SLC13A4: variants seen among roughly 807,000 people sequenced by gnomAD.
SLC13A4 encodes solute carrier family 13 member 4, also known as Na(+)/sulfate cotransporter SUT-1.
A neutral mutation model predicts 72.7 loss-of-function variants in SLC13A4; 28 were observed. The observed-to-expected ratio is 0.39, with a 90% CI of 0.29 to 0.53. The LOEUF is 0.53. Among genes scored for constraint, SLC13A4 ranks in the 20% least tolerant of loss-of-function variants. The pLI is 0.78. For missense variants in SLC13A4, 653 were observed against 788.0 expected (o/e 0.83, Z 2.05); for synonymous variants, 312 against 325.5 (o/e 0.96, Z 0.45).
At chr7:135,721,781 C>T (rs981490362) in intron 1 of SLC13A4, among the ~76,000 whole-genome samples, 11 of 152,162 alleles carry the variant, frequency 7.2e-5, no homozygotes, top group African/African-American at 1.9e-4. Flanking sequence ...CCAGGCAGCT[C>T]GGAGGGTTCT....
rs190579368 is a variant in SLC13A4, at chr7:135,690,991, C to T, written c.1446+210G>A. ...ACTAGCCTGGCCAACATGGTGAAAC[C>T]GCGTCTCTACTAAAAATACAAAAAC... is the stretch of plus-strand genomic sequence containing the variant. On this transcript the variant is annotated intron_variant, in intron 13 of 15. Transcript: ENST00000682651. Among the ~76,000 whole-genome samples the T allele has an allele frequency of 2.3e-4, 35 of 152,118 alleles. No individual in the cohort carries two copies. The East Asian group carries it at 5.2e-3, about 23-fold the overall frequency.
chr7:135,702,797 A>G lies in SLC13A4; in HGVS notation c.633+48T>C, dbSNP rs1028419025. The stretch of plus-strand genomic sequence containing the variant: ...CTTGGGTTTCCATGAAGAAGTGCTG[A>G]GGGATTTTCAAGTGATTCCAAAGCA... On this transcript the variant is annotated intron_variant, in intron 6 of 15. Coordinates refer to ENST00000682651, the MANE Select transcript of SLC13A4 (RefSeq NM_001318192.2). The G allele has an allele frequency of 4.0e-6, 6 of 1,515,494 alleles. No individual in the cohort carries two copies. In the East Asian group the frequency reaches 1.1e-4, roughly 28 times the overall value. 93.9% of individuals were successfully genotyped at this position (1,515,494 alleles called of 1,614,324 possible). A position where few individuals can be genotyped will look rare whatever the true frequency, so the allele number is the denominator to read the frequency against.
intron 5 of SLC13A4, chr7:135,704,893 TACA>T (rs1174136239): frequency 1.3e-5 from 2 of 152,406 alleles, no homozygotes; most frequent in African/African-American, 4.8e-5. Flanking sequence ...TCTCCTTTTT[TACA>T]ACAAGGGCAA....
intron 14 of SLC13A4, 95 bp downstream of exon 14, chr7:135,685,427 G>C (rs897428439): frequency 1.4e-5 from 15 of 1,061,404 alleles, no homozygotes; most frequent in Non-Finnish European, 2.0e-5. Flanking sequence ...AACCAGAGGA[G>C]AGCCTACAGC....
chr7:135,697,089 C>T (rs1206307644), intron 8 of SLC13A4, among the ~76,000 whole-genome samples: 2 of 152,190 alleles, frequency 1.3e-5, no homozygotes, highest in Non-Finnish European at 2.9e-5. Flanking sequence ...AATATGTGGC[C>T]CCTTTACCCA....
chr7:135,724,492 C>G lies in SLC13A4; in HGVS notation c.99+2906G>C, dbSNP rs769407022. 3.3e-3 allele frequency among the ~76,000 whole-genome samples: 358 copies of G among 109,396 alleles called. 1 individual carries two copies. Among genetic ancestry groups the G allele is most frequent in the Non-Finnish European group, 4.9e-3 (286 of 58,598 alleles). 71.8% of individuals were successfully genotyped at this position (109,396 alleles called of 152,430 possible). A position where few individuals can be genotyped will look rare whatever the true frequency, so the allele number is the denominator to read the frequency against. On this transcript the variant is annotated intron_variant, in intron 1 of 15. Coordinates refer to ENST00000682651, the MANE Select transcript of SLC13A4 (RefSeq NM_001318192.2). ...AGAGCCTGAGTGACAGAGTGAGACT[C>G]TGTCTCAGAAAAAAAAAAAAAAAAA...
chr7:135,709,933 T>C (rs529931038), intron 2 of SLC13A4, among the ~76,000 whole-genome samples: 2 of 152,338 alleles, frequency 1.3e-5, no homozygotes, highest in East Asian at 3.9e-4. Context: ...GTCTCTCAAC[T>C]AAATTTTTCG....
chr7:135,689,441 T>C (rs1386015306), intron 13 of SLC13A4, among the ~76,000 whole-genome samples: 1 of 152,144 alleles, frequency 6.6e-6, no homozygotes, highest in Non-Finnish European at 1.5e-5. Flanking sequence ...TCCATAAAAA[T>C]GCAGGGTGCT....
intron 6 of SLC13A4, 93 bp downstream of exon 6, chr7:135,702,752 T>A: frequency 9.6e-7 from 1 of 1,043,426 alleles, no homozygotes; most frequent in South Asian, 1.3e-5. Context: ...TCTGTAGCTG[T>A]TGAAAATCTG....
At chr7:135,690,931 G>A (rs768286983) in intron 13 of SLC13A4, among the ~76,000 whole-genome samples, 3 of 152,138 alleles carry the variant, frequency 2.0e-5, no homozygotes, top group Non-Finnish European at 4.4e-5. Flanking sequence ...TTGGGAGGCC[G>A]AGGCAGGTGG....
chr7:135,684,633 C>T (rs904147114), intron 14 of SLC13A4, among the ~76,000 whole-genome samples: 1 of 146,346 alleles, frequency 6.8e-6, no homozygotes, highest in Admixed American at 6.9e-5. Context: ...TCTTAGGGTA[C>T]AGAACTAAGG....
chr7:135,727,261 A>G, intron 1 of SLC13A4, 137 bp downstream of exon 1: 1 of 1,181,840 alleles, frequency 8.5e-7, no homozygotes, highest in Admixed American at 2.6e-5. Flanking sequence ...TTCCTCTGGA[A>G]AAATCCTTCC....
chr7:135,692,526 A>G lies in SLC13A4; in HGVS notation c.1122-102T>C, dbSNP rs535042725. The G allele has an allele frequency of 7.4e-5, 57 of 769,250 alleles. No homozygotes were observed. In the South Asian group the frequency reaches 1.0e-3, roughly 13 times the overall value. The allele number at this position is 769,250 out of a possible 1,614,324, so 47.7% of individuals were successfully genotyped here. ...TCTGTATTTAGAGTTTCAATACCCT[A>G]GACATAAAACACACTCACTGCCTAA... On this transcript the variant is annotated intron_variant, in intron 10 of 15. Transcript: ENST00000682651.
At chr7:135,711,389 G>A (rs1796297623) in intron 2 of SLC13A4, among the ~76,000 whole-genome samples, 1 of 152,212 alleles carries the variant, frequency 6.6e-6, no homozygotes, top group Non-Finnish European at 1.5e-5. Flanking sequence ...TAAATGACAG[G>A]TAGGCCACTT....
chr7:135,720,454 C>T (rs1344433074), intron 2 of SLC13A4, among the ~76,000 whole-genome samples: 1 of 151,738 alleles, frequency 6.6e-6, no homozygotes. Context: ...GATAGAGTGC[C>T]TGGCGCTTAG....
chr7:135,718,198 A>T (rs1379736348), intron 2 of SLC13A4, among the ~76,000 whole-genome samples: 1 of 151,892 alleles, frequency 6.6e-6, no homozygotes. Flanking sequence ...GAGATTCAAG[A>T]GGGGAGAGAT....
intron 8 of SLC13A4, among the ~76,000 whole-genome samples, chr7:135,697,491 A>T (rs966353684): frequency 1.3e-5 from 2 of 151,358 alleles, no homozygotes; most frequent in East Asian, 3.9e-4. Context: ...TCCCCACTGC[A>T]CTGTCAGCCA....
At chr7:135,683,645 G>A in intron 15 of SLC13A4, 1 of 985,440 alleles carries the variant, frequency 1.0e-6, no homozygotes. Flanking sequence ...ATTTTCCATT[G>A]TTGCTTCAGG....
intron 5 of SLC13A4, 144 bp downstream of exon 5, chr7:135,705,452 G>C: frequency 1.5e-6 from 1 of 686,108 alleles, no homozygotes; most frequent in Non-Finnish European, 2.5e-6. Context: ...GGGGGAGGTT[G>C]GGCGGGGTGG....
Sources: gnomAD v4.1 joint callset for allele counts (sites outside exome capture counted in the v4.1 genomes callset) on GRCh38, gnomAD v4.1.1 for gene constraint, MANE v1.5 for transcripts, NCBI Gene and HGNC (gene_info 2026-07-23, HGNC 2026-07-21) for gene names.